Variants in UBR3 observed in about 807,000 individuals in gnomAD.
UBR3 encodes the protein ubiquitin protein ligase E3 component n-recognin 3, also known as E3 ubiquitin-protein ligase UBR3.
Under a neutral mutation model 243.2 loss-of-function variants are expected in UBR3, and 85 were observed. The ratio of observed to expected loss-of-function variants is 0.35; its 90% CI spans 0.29 to 0.42. UBR3 has a LOEUF of 0.42. Ranked by LOEUF, UBR3 falls within the 10% of genes least tolerant of loss-of-function variation. UBR3 has a pLI of 1.00. For synonymous variants in UBR3, 748 were observed against 799.8 expected, an observed-to-expected ratio of 0.94 and a Z score of 1.09; for missense variants, 1,686 against 2,300.8, an observed-to-expected ratio of 0.73 and a Z score of 5.47.
intron 23 of UBR3, among the ~76,000 whole-genome samples, chr2:169,956,578 T>C (rs1237205523): frequency 6.6e-6 from 1 of 152,108 alleles, no homozygotes; most frequent in African/African-American, 2.4e-5. Flanking sequence ...TGTTATAAAA[T>C]AATAAGGCGA....
Position 169,877,611 on chromosome 2 carries a change from C to G in UBR3, c.962C>G (p.Ala321Gly). 1 of 1,546,938 alleles carries G rather than the reference C, an allele frequency of 6.5e-7. No individual in the cohort carries two copies. The highest frequency in any genetic ancestry group is 8.7e-7 in the Non-Finnish European group (1 of 1,146,040). ...KLVYGVQEPS[A>G]GTSSLAVQGF... is the part of the protein sequence containing the mutation. ...GTATATGGTGTGCAGGAGCCATCTG[C>G]TGGTACTAGTTCTCTGGCTGTTCAA... The change falls in exon 4 of 39, where the codon GCT (alanine) becomes GGT (glycine). Residue 321 changes from alanine (A) to glycine (G), a missense_variant. Physicochemically the swap from Ala to Gly is moderately conservative, Grantham distance 60. Around this residue, in one of 8 missense-constraint regions of UBR3, gnomAD observed 200 missense variants for 231.6 expected, o/e 0.86. Coordinates refer to ENST00000272793, the MANE Select transcript of UBR3 (RefSeq NM_172070.4).
intron 35 of UBR3, among the ~76,000 whole-genome samples, chr2:170,068,745 A>C (rs565471506): frequency 3.8e-4 from 57 of 151,998 alleles, no homozygotes; most frequent in Non-Finnish European, 6.9e-4. Context: ...ATTGATAAGA[A>C]AAAAAAAGGA....
intron 36 of UBR3, 66 bp downstream of exon 36, chr2:170,073,673 G>T: frequency 6.7e-7 from 1 of 1,482,786 alleles, no homozygotes. Flanking sequence ...AGAATAATGA[G>T]GACTGTTAAA....
At chr2:169,967,492 C>G (rs1410297146) in intron 24 of UBR3, among the ~76,000 whole-genome samples, 1 of 152,112 alleles carries the variant, frequency 6.6e-6, no homozygotes, top group African/African-American at 2.4e-5. Flanking sequence ...GACTCTACCA[C>G]TCTTGTGTGG....
At chr2:170,071,142 T>C (rs1262360770) in intron 35 of UBR3, among the ~76,000 whole-genome samples, 2 of 152,196 alleles carry the variant, frequency 1.3e-5, no homozygotes, top group Non-Finnish European at 2.9e-5. Flanking sequence ...CAAAACGGTA[T>C]AGTCAATTTG....
intron 1 of UBR3, among the ~76,000 whole-genome samples, chr2:169,847,902 A>C: frequency 7.7e-6 from 1 of 130,072 alleles, no homozygotes; most frequent in South Asian, 2.5e-4. Flanking sequence ...CAAATAGTCA[A>C]ATACTCAGGA....
intron 19 of UBR3, among the ~76,000 whole-genome samples, chr2:169,936,027 GTAT>G (rs2086313631): frequency 1.3e-5 from 2 of 152,060 alleles, no homozygotes; most frequent in South Asian, 4.2e-4. Context: ...TGTCACTGTA[GTAT>G]TATATACAAA....
chr2:170,059,219 G>T (rs1163614730), intron 33 of UBR3, among the ~76,000 whole-genome samples: 2 of 150,814 alleles, frequency 1.3e-5, no homozygotes, highest in Non-Finnish European at 3.0e-5. Context: ...TTTCTGATAT[G>T]ATATAAAATT....
At chr2:170,080,711 T>G in intron 38 of UBR3, 27 bp downstream of exon 38, 1 of 1,599,234 alleles carries the variant, frequency 6.3e-7, no homozygotes, top group South Asian at 1.1e-5. Flanking sequence ...TATATCCAGG[T>G]GTTTTATTGA....
intron 5 of UBR3, among the ~76,000 whole-genome samples, chr2:169,890,583 A>ATATATATGTGTATATATATATATATG (rs1553504592): frequency 1.1e-5 from 1 of 94,144 alleles, no homozygotes; most frequent in Non-Finnish European, 2.1e-5. Context: ...ATATATATGT[A>ATATATATGTGTATATATATATATATG]TATATATATG....
chr2:170,025,314 A>G (rs1038985988), intron 30 of UBR3, among the ~76,000 whole-genome samples: 3 of 152,188 alleles, frequency 2.0e-5, no homozygotes, highest in Admixed American at 1.3e-4. Flanking sequence ...TGGAGAATGC[A>G]TAAAGTAAGG....
At chr2:169,853,815 A>G (rs2082746141) in intron 1 of UBR3, among the ~76,000 whole-genome samples, 1 of 151,082 alleles carries the variant, frequency 6.6e-6, no homozygotes, top group Non-Finnish European at 1.5e-5. Flanking sequence ...TTAAATCTGC[A>G]TGCATTTGTG....
At chr2:169,919,694 A>C (rs952873752) in intron 11 of UBR3, among the ~76,000 whole-genome samples, 1 of 152,210 alleles carries the variant, frequency 6.6e-6, no homozygotes, top group African/African-American at 2.4e-5. Flanking sequence ...ATGCAGCCAA[A>C]AGACACATGA....
intron 5 of UBR3, among the ~76,000 whole-genome samples, chr2:169,883,781 A>T (rs964836602): frequency 6.6e-6 from 1 of 152,238 alleles, no homozygotes; most frequent in Non-Finnish European, 1.5e-5. Context: ...TTCCTTAAGT[A>T]TAGTAGTTAC....
At chr2:169,887,721 T>C (rs2084157347) in intron 5 of UBR3, among the ~76,000 whole-genome samples, 1 of 152,174 alleles carries the variant, frequency 6.6e-6, no homozygotes. Context: ...TATCACTTAG[T>C]GGTGACTCAC....
intron 32 of UBR3, among the ~76,000 whole-genome samples, chr2:170,046,982 C>T (rs2091104149): frequency 6.6e-6 from 1 of 152,080 alleles, no homozygotes; most frequent in Admixed American, 6.5e-5. Context: ...ATAGCCTCTT[C>T]AGACCAAAGC....
chr2:169,833,934 C>G (rs11892001), intron 1 of UBR3, among the ~76,000 whole-genome samples: 41,071 of 151,910 alleles, frequency 0.27, 5,898 homozygotes, highest in African/African-American at 0.36. Context: ...AGGCGCACAC[C>G]ACCACACACA....
intron 24 of UBR3, among the ~76,000 whole-genome samples, chr2:169,969,841 G>A (rs992561869): frequency 7.6e-5 from 10 of 132,268 alleles, no homozygotes; most frequent in Admixed American, 2.9e-4. Flanking sequence ...GAGCCACCAC[G>A]CCCGGCCTGT....
intron 31 of UBR3, among the ~76,000 whole-genome samples, chr2:170,039,838 A>G (rs542883413): frequency 1.4e-4 from 22 of 152,292 alleles, no homozygotes; most frequent in Non-Finnish European, 2.8e-4. Context: ...AATATAGTCT[A>G]TGTTTTTCAT....
Sources: allele counts gnomAD v4.1 joint callset (sites outside exome capture counted in the v4.1 genomes callset), GRCh38; gene constraint gnomAD v4.1.1; regional missense constraint gnomAD v4.1.1; transcripts MANE v1.5; gene names NCBI Gene and HGNC (gene_info 2026-07-23, HGNC 2026-07-21).